The following LRRC66 variants were observed in gnomAD, a reference collection of about 807,000 sequenced individuals.
The protein encoded by LRRC66 is leucine rich repeat containing 66, also known as leucine-rich repeat-containing protein 66.
Under a neutral mutation model 24.6 loss-of-function variants are expected in LRRC66, and 29 were observed. That is an observed-to-expected ratio of 1.18 (90% CI 0.88 to 1.61). The LOEUF (loss-of-function observed/expected upper bound fraction) is 1.61, where lower values mean the gene tolerates loss of function less well. Among genes scored for constraint, LRRC66 ranks in the 40% most tolerant of loss-of-function variants. LRRC66 has a pLI of 0.00. For synonymous variants in LRRC66, 411 were observed against 397.6 expected (o/e 1.03, Z -0.40); for missense variants, 1,124 against 1,058.0 (o/e 1.06, Z -0.87).
At position 52,017,362 on chromosome 4, in the gene LRRC66, C is replaced by CCT; in HGVS notation, c.251_252insAG (p.Trp85GlyfsTer4). 6.2e-7 allele frequency: 1 copy of CCT among 1,614,094 alleles called. No individual in the cohort carries two copies. The highest frequency in any genetic ancestry group is 8.5e-7 in the Non-Finnish European group (1 of 1,179,986). On this transcript the variant is annotated frameshift_variant, in exon 2 of 5. Transcript: ENST00000682860. LOFTEE classifies it high-confidence loss of function. ...TGAGGTCCAGATGTTTTATTTTCCA[C>CCT]TCTTCTTTTTTCGTGTGAGACTGTA...
At position 51,995,744 on chromosome 4, in the gene LRRC66, G is replaced by A; in HGVS notation, c.1278C>T (p.Tyr426=). The A allele has an allele frequency of 2.5e-6, 4 of 1,614,110 alleles. No individual in the cohort carries two copies. The highest frequency in any genetic ancestry group is 3.4e-6 in the Non-Finnish European group (4 of 1,180,018). ...LDNAYSNEGF[Y]DDMEAAGHTP... ...TGTGCCCCGCAGCTTCCATGTCATC[G>A]TAGAAGCCCTCGTTTGAATACGCGT... The change falls in exon 5 of 5, where the codon TAC becomes TAT. Residue 426 remains tyrosine (Y), a synonymous_variant. Transcript: ENST00000682860.
At chr4:51,998,338 A>G (rs1481963460) in intron 3 of LRRC66, among the ~76,000 whole-genome samples, 1 of 152,248 alleles carries the variant, frequency 6.6e-6, no homozygotes, top group Non-Finnish European at 1.5e-5. Context: ...GAACTACTGC[A>G]ATCTTGAAAG....
intron 2 of LRRC66, among the ~76,000 whole-genome samples, chr4:52,012,468 G>C (rs1168350671): frequency 6.6e-6 from 1 of 152,150 alleles, no homozygotes; most frequent in Non-Finnish European, 1.5e-5. Flanking sequence ...AACTGGTACA[G>C]ACCTGGTTTG....
rs754594576 is a variant in LRRC66, at chr4:51,997,810, A to ATTTT, written c.793_794insAAAA (p.Phe265Ter). On this transcript the variant is annotated stop_gained and frameshift_variant, in exon 4 of 5. Transcript: ENST00000682860. LOFTEE classifies it high-confidence loss of function. ...CCAGGATTCAGAAATAAAATTTTGAAAGACTGCCACACTATCATCACACTG... is the reference window on the plus strand; with the variant it reads ...CCAGGATTCAGAAATAAAATTTTGAATTTTAGACTGCCACACTATCATCACACTG... 3.1e-6 allele frequency: 5 copies of ATTTT among 1,614,130 alleles called. No individual in the cohort carries two copies. Among genetic ancestry groups the ATTTT allele is most frequent in the Non-Finnish European group, 4.2e-6 (5 of 1,179,992 alleles).
chr4:52,006,733 A>AC lies in LRRC66; in HGVS notation c.497-3342_497-3341insG, dbSNP rs1300446011. On this transcript the variant is annotated intron_variant, in intron 2 of 4. Coordinates refer to ENST00000682860, the MANE Select transcript of LRRC66 (RefSeq NM_001024611.3). Reference sequence around the variant, plus strand: ...AATAATAATAATAATAATAAAGAAAAAAAAACAAAAACAAAAAAACAAAAA... The same window carrying AC: ...AATAATAATAATAATAATAAAGAAAACAAAAACAAAAACAAAAAAACAAAAA... 1.2e-4 allele frequency among the ~76,000 whole-genome samples: 18 copies of AC among 147,794 alleles called. No individual in the cohort carries two copies. In the East Asian group the frequency reaches 1.6e-3, roughly 13 times the overall value.
intron 3 of LRRC66, among the ~76,000 whole-genome samples, chr4:52,000,248 C>T (rs1323957318): frequency 1.3e-5 from 2 of 152,150 alleles, no homozygotes; most frequent in Non-Finnish European, 2.9e-5. Flanking sequence ...CTGCCTGTGA[C>T]ATCTATTACC....
chr4:52,003,440 T>C (rs1204934565), intron 2 of LRRC66, 48 bp from the exon 3 acceptor site: 1 of 1,538,780 alleles, frequency 6.5e-7, no homozygotes, highest in Admixed American at 1.8e-5. Flanking sequence ...TAAAATTTAC[T>C]GCAGCACTGT....
In LRRC66 at chr4:52,003,213, A is replaced by T; in HGVS notation, c.666+10T>A. On this transcript the variant is annotated intron_variant, in intron 3 of 4. Transcript: ENST00000682860. ...TCCTTATTCAAATATTATAAAAATG[A>T]TTTTAGAACCTGTAATTTTTTGAGG... The T allele has an allele frequency of 6.3e-7, 1 of 1,595,406 alleles. No homozygotes were observed. Among genetic ancestry groups the T allele is most frequent in the Non-Finnish European group, 8.5e-7 (1 of 1,170,194 alleles).
rs1736255801 is a variant in LRRC66, at chr4:51,994,862, A to T, written c.2160T>A (p.Ser720Arg). 1 of 1,613,852 alleles carries T rather than the reference A, an allele frequency of 6.2e-7. No homozygotes were observed. Among genetic ancestry groups the T allele is most frequent in the African/African-American group, 1.3e-5 (1 of 74,850 alleles). ...LFTLSSISSE[S>R]ARSKTEEAVP... ...CTGCCTCTTCAGTCTTGCTCCTTGCACTCTCTGAACTTATGGAGCTCAGAG... is the reference window on the plus strand; with the variant it reads ...CTGCCTCTTCAGTCTTGCTCCTTGCTCTCTCTGAACTTATGGAGCTCAGAG... Residue 720 changes from serine to arginine, a missense_variant, in exon 5 of 5, where the codon AGT becomes AGA. Ser to Arg is a moderately radical substitution (Grantham distance 110). Coordinates refer to ENST00000682860, the MANE Select transcript of LRRC66 (RefSeq NM_001024611.3).
chr4:51,994,622 C>A lies in LRRC66; in HGVS notation c.2400G>T (p.Glu800Asp). 1 of 1,614,162 alleles carries A rather than the reference C, an allele frequency of 6.2e-7. No individual in the cohort carries two copies. The highest frequency in any genetic ancestry group is 1.1e-5 in the South Asian group (1 of 91,074). The change falls in exon 5 of 5, where the codon GAG (glutamate) becomes GAT (aspartate). Residue 800 changes from glutamate to aspartate, a missense_variant. By Grantham distance (45) the Glu-to-Asp change is conservative (BLOSUM62 2). Transcript: ENST00000682860. ...LENASDTDRS[E>D]GLSPWPRSPG... ...GTGACCTGGGCCAGGGTGACAGGCCCTCAGATCTATCAGTGTCAGAGGCAT... is the reference window on the plus strand; with the variant it reads ...GTGACCTGGGCCAGGGTGACAGGCCATCAGATCTATCAGTGTCAGAGGCAT...
At position 51,995,519 on chromosome 4, in the gene LRRC66, ATTTCC is replaced by A; in HGVS notation, c.1498_1502del (p.Gly500Ter). ...GGAGAATGGAATAGACTGCACCATC[ATTTCC>A]ACTTCCTGCCCCGGTGTTGTCCCCG... On this transcript the variant is annotated frameshift_variant, in exon 5 of 5. Coordinates refer to ENST00000682860, the MANE Select transcript of LRRC66 (RefSeq NM_001024611.3). LOFTEE classifies it low-confidence loss of function (END_TRUNC). The A allele has an allele frequency of 6.2e-7, 1 of 1,614,046 alleles. No homozygotes were observed. The highest frequency in any genetic ancestry group is 8.5e-7 in the Non-Finnish European group (1 of 1,180,004).
chr4:52,017,337 T>G lies in LRRC66; in HGVS notation c.277A>C (p.Ser93Arg). 1.9e-6 allele frequency: 3 copies of G among 1,614,186 alleles called. No individual in the cohort carries two copies. The highest frequency in any genetic ancestry group is 1.1e-5 in the South Asian group (1 of 91,084). The change falls in exon 2 of 5, where the codon AGT (serine) becomes CGT (arginine). Residue 93 changes from serine (S) to arginine (R), a missense_variant. Transcript: ENST00000682860. Reference protein sequence around the residue: ...EEWKIKHLDLSNNLISKITLS... With the variant: ...EEWKIKHLDLRNNLISKITLS... Reference sequence around the variant, plus strand: ...GTTATTTTTGATATGAGATTGTTACTGAGGTCCAGATGTTTTATTTTCCAC... The same window carrying G: ...GTTATTTTTGATATGAGATTGTTACGGAGGTCCAGATGTTTTATTTTCCAC...
chr4:52,005,164 T>TGA (rs1736543925), intron 2 of LRRC66, among the ~76,000 whole-genome samples: 1 of 152,206 alleles, frequency 6.6e-6, no homozygotes, highest in South Asian at 2.1e-4. Context: ...TAAAAATCAT[T>TGA]GTACTGACAT....
chr4:52,019,376 TTATC>T (rs1001144502), intron 1 of LRRC66, among the ~76,000 whole-genome samples: 116 of 152,256 alleles, frequency 7.6e-4, no homozygotes, highest in African/African-American at 1.6e-3. Flanking sequence ...AAAAGGAACA[TTATC>T]TATCTATCTA....
rs371952468 is a variant in LRRC66 at position 52,017,466 on chromosome 4, C to T, written c.148G>A (p.Gly50Arg). Residue 50 changes from glycine (G) to arginine (R), a missense_variant, in exon 2 of 5, where the codon GGA becomes AGA. Transcript: ENST00000682860. The part of the protein sequence containing the change: ...EYILTNCSFT[G>R]KCDIPVDISQ... Reference sequence around the variant, plus strand: ...ATGTCCACAGGTATATCACACTTTCCGGTAAAAGAACAATTTGTCAGAATA... The same window carrying T: ...ATGTCCACAGGTATATCACACTTTCTGGTAAAAGAACAATTTGTCAGAATA... 4.8e-5 allele frequency: 78 copies of T among 1,613,846 alleles called. No homozygotes were observed. The highest frequency in any genetic ancestry group is 6.7e-5 in the African/African-American group (5 of 74,882).
intron 4 of LRRC66, among the ~76,000 whole-genome samples, chr4:51,996,662 C>T (rs542252303): frequency 1.6e-4 from 24 of 152,252 alleles, no homozygotes; most frequent in African/African-American, 5.5e-4. Context: ...AAATTTTATT[C>T]ATTCATTCGT....
chr4:51,997,772 T>G lies in LRRC66; in HGVS notation c.832A>C (p.Asn278His). 1 of 1,614,034 alleles carries G rather than the reference T, an allele frequency of 6.2e-7. No individual in the cohort carries two copies. The highest frequency in any genetic ancestry group is 8.5e-7 in the Non-Finnish European group (1 of 1,179,924). The change falls in exon 4 of 5, where the codon AAT becomes CAT. Residue 278 changes from asparagine to histidine, a missense_variant. Asn to His is a moderately conservative substitution (Grantham distance 68). Transcript: ENST00000682860. ...FISESWRKKW[N>H]VICNRSIGSE... ...CCTATAGACCTGTTGCAAATGACAT[T>G]CCACTTTTTCCTCCAGGATTCAGAA... is the stretch of plus-strand genomic sequence containing the variant.
intron 2 of LRRC66, among the ~76,000 whole-genome samples, chr4:52,006,423 T>C (rs1736586810): frequency 6.6e-6 from 1 of 151,686 alleles, no homozygotes; most frequent in South Asian, 2.1e-4. Context: ...AAATTGGAAA[T>C]CATCATTCTC....
At chr4:52,010,414 C>A (rs1411441367) in intron 2 of LRRC66, among the ~76,000 whole-genome samples, 1 of 152,066 alleles carries the variant, frequency 6.6e-6, no homozygotes, top group Non-Finnish European at 1.5e-5. Context: ...ACAAATGATC[C>A]CATCACCCAG....
Sources: allele counts gnomAD v4.1 joint callset (sites outside exome capture counted in the v4.1 genomes callset), GRCh38; gene constraint gnomAD v4.1.1; transcripts MANE v1.5; gene names NCBI Gene and HGNC (gene_info 2026-07-23, HGNC 2026-07-21).